ADGRF5: variants seen among roughly 807,000 people sequenced by gnomAD.
ADGRF5 encodes the protein adhesion G protein-coupled receptor F5, also known as G-protein coupled receptor 116.
In ADGRF5, 75 loss-of-function variants were observed where a neutral mutation model predicts 132.3. The ratio of observed to expected loss-of-function variants is 0.57; its 90% CI spans 0.47 to 0.69. ADGRF5 has a LOEUF of 0.69. Among genes scored for constraint, ADGRF5 ranks in the 30% least tolerant of loss-of-function variants. The pLI is 0.00. For missense variants in ADGRF5, 1,516 were observed against 1,630.6 expected, an observed-to-expected ratio of 0.93 and a Z score of 1.21; for synonymous variants, 629 against 597.6, an observed-to-expected ratio of 1.05 and a Z score of -0.77.
intron 4 of ADGRF5, chr6:46,888,059 G>A: frequency 3.7e-6 from 1 of 269,400 alleles, no homozygotes; most frequent in Non-Finnish European, 6.5e-6. Context: ...TTATTATGAA[G>A]GACCTGGCCA....
At chr6:46,953,651 G>GTGTATATATATA (rs1373212107) in intron 1 of ADGRF5, among the ~76,000 whole-genome samples, 24 of 42,182 alleles carry the variant, frequency 5.7e-4, no homozygotes, top group African/African-American at 1.3e-3. Flanking sequence ...AGATATATGT[G>GTGTATATATATA]TATATATATA....
At position 46,954,630 on chromosome 6, in the gene ADGRF5, G is replaced by C. The variant is rs941330943; in HGVS notation, c.-25+104C>G. 4 of 152,200 alleles carry C rather than the reference G, an allele frequency of 2.6e-5. 1 individual carries two copies. The highest frequency in any genetic ancestry group is 2.6e-4 in the Admixed American group (4 of 15,286). 9.4% of individuals were successfully genotyped at this position (152,200 alleles called of 1,614,324 possible). A position where few individuals can be genotyped will look rare whatever the true frequency, so the allele number is the denominator to read the frequency against. ...TAAATCTCCACAAGACACACAGGTT[G>C]AGAGCGTGAAGCCAGCTAGAAAAGC... is the stretch of plus-strand genomic sequence containing the variant. On this transcript the variant is annotated intron_variant, in intron 1 of 20. Transcript: ENST00000265417.
chr6:46,861,023 TC>T, intron 15 of ADGRF5, 129 bp from the exon 16 acceptor site: 1 of 655,628 alleles, frequency 1.5e-6, no homozygotes, highest in East Asian at 2.7e-5. Context: ...CATAAATATG[TC>T]CCATAAGATG....
chr6:46,861,768 G>A (rs190385163), intron 15 of ADGRF5, among the ~76,000 whole-genome samples: 21 of 152,266 alleles, frequency 1.4e-4, no homozygotes, highest in African/African-American at 4.1e-4. Context: ...ATAAATCAAA[G>A]GAAGCATGAT....
intron 9 of ADGRF5, among the ~76,000 whole-genome samples, chr6:46,878,694 C>T (rs1033251547): frequency 2.0e-5 from 3 of 152,038 alleles, no homozygotes; most frequent in Non-Finnish European, 4.4e-5. Flanking sequence ...AAAGAAAAAT[C>T]GAAAAGCCTT....
chr6:46,877,294 TC>T (rs1562174788), intron 10 of ADGRF5, among the ~76,000 whole-genome samples: 119 of 60,850 alleles, frequency 2.0e-3, no homozygotes, highest in Middle Eastern at 6.9e-3. Context: ...TTTCTTTCTC[TC>T]TCTCTCTCTC....
chr6:46,938,212 A>G (rs1777921052), intron 1 of ADGRF5, among the ~76,000 whole-genome samples: 1 of 152,228 alleles, frequency 6.6e-6, no homozygotes, highest in African/African-American at 2.4e-5. Flanking sequence ...TAGAAGAATA[A>G]CATTCCAGGT....
intron 4 of ADGRF5, 185 bp downstream of exon 4, chr6:46,888,150 G>C (rs539285399): frequency 3.7e-6 from 2 of 534,680 alleles, no homozygotes; most frequent in South Asian, 5.5e-5. Flanking sequence ...AGAAACCTCT[G>C]GCTGCAGAGT....
chr6:46,868,204 C>T (rs1163036578), intron 12 of ADGRF5, among the ~76,000 whole-genome samples: 1 of 152,214 alleles, frequency 6.6e-6, no homozygotes, highest in African/African-American at 2.4e-5. Flanking sequence ...CGTTTGCATC[C>T]TGGCTCTGCC....
At chr6:46,857,719 G>A (rs1769218065) in intron 17 of ADGRF5, among the ~76,000 whole-genome samples, 1 of 152,142 alleles carries the variant, frequency 6.6e-6, no homozygotes. Context: ...TGATTATTGA[G>A]AACCTACTCT....
At chr6:46,906,861 G>C (rs921099460) in intron 1 of ADGRF5, 75 bp from the exon 2 acceptor site, 2 of 731,616 alleles carry the variant, frequency 2.7e-6, no homozygotes, top group African/African-American at 3.6e-5. Flanking sequence ...CGCAAGCCCT[G>C]TCTTAAAGGT....
At chr6:46,948,442 G>C (rs757705130) in intron 1 of ADGRF5, among the ~76,000 whole-genome samples, 1 of 151,614 alleles carries the variant, frequency 6.6e-6, no homozygotes, top group Non-Finnish European at 1.5e-5. Flanking sequence ...GTAAAGTTCT[G>C]GGTGATTCAG....
At chr6:46,943,594 A>G (rs770206180) in intron 1 of ADGRF5, among the ~76,000 whole-genome samples, 1 of 152,176 alleles carries the variant, frequency 6.6e-6, no homozygotes, top group Non-Finnish European at 1.5e-5. Flanking sequence ...TTAAATGCAC[A>G]ATGTCATTTA....
At chr6:46,861,437 A>G (rs1769733319) in intron 15 of ADGRF5, among the ~76,000 whole-genome samples, 1 of 152,120 alleles carries the variant, frequency 6.6e-6, no homozygotes, top group Non-Finnish European at 1.5e-5. Context: ...CTGCTTTCTA[A>G]CTCTCTCTTA....
intron 15 of ADGRF5, among the ~76,000 whole-genome samples, chr6:46,861,544 T>C (rs1278217676): frequency 1.3e-5 from 2 of 152,196 alleles, no homozygotes; most frequent in Non-Finnish European, 2.9e-5. Flanking sequence ...TGCGTAAGTA[T>C]TGGTTTTATA....
intron 17 of ADGRF5, 64 bp from the exon 18 acceptor site, chr6:46,856,972 A>G (rs995661057): frequency 2.4e-6 from 3 of 1,270,612 alleles, no homozygotes; most frequent in Non-Finnish European, 2.3e-6. Context: ...GCAAAGGAGG[A>G]AGTACTGTTA....
At chr6:46,920,533 G>GT (rs35285763) in intron 1 of ADGRF5, among the ~76,000 whole-genome samples, 17,300 of 135,392 alleles carry the variant, frequency 0.13, 1,386 homozygotes, top group Admixed American at 0.22. Flanking sequence ...ATTTGGGGGG[G>GT]GGGAAGAGAG....
intron 1 of ADGRF5, among the ~76,000 whole-genome samples, chr6:46,947,779 A>G (rs536730388): frequency 6.6e-6 from 1 of 152,298 alleles, no homozygotes; most frequent in Non-Finnish European, 1.5e-5. Context: ...ACATTCTCAC[A>G]TTCTCACCAA....
intron 13 of ADGRF5, 38 bp from the exon 14 acceptor site, chr6:46,865,235 T>G: frequency 6.8e-7 from 1 of 1,461,138 alleles, no homozygotes. Context: ...AGTCACAACA[T>G]GAGTCTCTAA....
Sources: gnomAD v4.1 joint callset for allele counts (sites outside exome capture counted in the v4.1 genomes callset) on GRCh38, gnomAD v4.1.1 for gene constraint, MANE v1.5 for transcripts, NCBI Gene and HGNC (gene_info 2026-07-23, HGNC 2026-07-21) for gene names.